The following COL5A1 variants were observed in gnomAD, a reference collection of about 807,000 sequenced individuals.
The protein encoded by COL5A1 is collagen type V alpha 1 chain.
In COL5A1, 16 loss-of-function variants were observed where a neutral mutation model predicts 263.7. The observed-to-expected ratio is 0.06, with a 90% CI of 0.04 to 0.09. The LOEUF (loss-of-function observed/expected upper bound fraction) is 0.09, where lower values mean the gene tolerates loss of function less well. COL5A1 is among the 10% of genes least tolerant of loss of function. COL5A1 has a pLI of 1.00. For synonymous variants in COL5A1, 1,012 were observed against 1,004.5 expected, an observed-to-expected ratio of 1.01 and a Z score of -0.14; for missense variants, 2,036 against 2,540.5, an observed-to-expected ratio of 0.80 and a Z score of 4.27.
In COL5A1 at chr9:134,835,042, C is replaced by T; in HGVS notation, c.5208C>T (p.Ala1736=). ...VQMTFLRLLS[A]SAHQNVTYHC... is the part of the protein sequence containing the mutation. ...TGACCTTCCTGCGGCTGCTGAGCGC[C>T]TCTGCCCACCAGAACGTCACCTACC... is the stretch of plus-strand genomic sequence containing the variant. The change falls in exon 65 of 66, where the codon GCC becomes GCT. Residue 1736 remains alanine, a synonymous_variant. Coordinates refer to ENST00000371817, the MANE Select transcript of COL5A1 (RefSeq NM_000093.5). 6.2e-7 allele frequency: 1 copy of T among 1,613,532 alleles called. No individual in the cohort carries two copies. The highest frequency in any genetic ancestry group is 8.5e-7 in the Non-Finnish European group (1 of 1,180,028).
rs1472399009 is a variant in COL5A1, at chr9:134,686,233, T to A, written c.110-4679T>A. On this transcript the variant is annotated intron_variant, in intron 1 of 65. Transcript: ENST00000371817. The surrounding 1 kb of genome is among the most constrained non-coding windows in gnomAD (Gnocchi z 4.6). ...TATTCTCCTTCTTCCTTCCTCCTTC[T>A]CCTTCTCCTTTTTCTTCTTCTTTCT... Among the ~76,000 whole-genome samples the A allele has an allele frequency of 6.6e-6, 1 of 152,066 alleles. No individual in the cohort carries two copies. The highest frequency in any genetic ancestry group is 2.4e-5 in the African/African-American group (1 of 41,388).
intron 1 of COL5A1, among the ~76,000 whole-genome samples, chr9:134,648,275 A>G (rs545985024): frequency 6.8e-6 from 1 of 147,212 alleles, no homozygotes; most frequent in South Asian, 2.1e-4. Flanking sequence ...GTAAGTCAGT[A>G]CTTAATAAAC....
intron 63 of COL5A1, among the ~76,000 whole-genome samples, chr9:134,828,666 C>A (rs111163080): frequency 0.018 from 7 of 382 alleles, no homozygotes; most frequent in Admixed American, 0.05. Flanking sequence ...ACACACACAC[C>A]CATAATGCGC....
intron 65 of COL5A1, among the ~76,000 whole-genome samples, chr9:134,840,683 A>G (rs530405666): frequency 6.6e-6 from 1 of 152,242 alleles, no homozygotes; most frequent in African/African-American, 2.4e-5. Flanking sequence ...TGTCGCCCAC[A>G]GTTCTGGAGG....
chr9:134,764,910 G>A (rs1030724875), intron 20 of COL5A1, among the ~76,000 whole-genome samples: 4 of 152,162 alleles, frequency 2.6e-5, no homozygotes, highest in Non-Finnish European at 4.4e-5. Flanking sequence ...GTGGGGGAAG[G>A]AGTTCTCTTC....
At chr9:134,670,849 T>C (rs913456743) in intron 1 of COL5A1, among the ~76,000 whole-genome samples, 1 of 152,184 alleles carries the variant, frequency 6.6e-6, no homozygotes, top group African/African-American at 2.4e-5. Flanking sequence ...AGTGGACAGC[T>C]CTGTCTGTGT....
intron 11 of COL5A1, among the ~76,000 whole-genome samples, chr9:134,744,416 TAC>T (rs890172417): frequency 2.0e-5 from 3 of 150,526 alleles, no homozygotes; most frequent in Non-Finnish European, 4.4e-5. Context: ...TGCACACATG[TAC>T]ACACCCACAC....
intron 64 of COL5A1, among the ~76,000 whole-genome samples, chr9:134,831,400 CCTTTCCTCTCCTG>C (rs1344068936): frequency 6.6e-6 from 1 of 152,236 alleles, no homozygotes; most frequent in African/African-American, 2.4e-5. Context: ...GTCCTCTCCT[CCTTTCCTCTCCTG>C]CTTTTCCTTT....
At position 134,683,809 on chromosome 9, in the gene COL5A1, G is replaced by A. The variant is rs114580774; in HGVS notation, c.110-7103G>A. The stretch of plus-strand genomic sequence containing the variant: ...ATTGCACCCCCTTTCCTGGGGCGCC[G>A]GCACCCGGTGGGCTTTTCTGGCTGA... On this transcript the variant is annotated intron_variant, in intron 1 of 65. Coordinates refer to ENST00000371817, the MANE Select transcript of COL5A1 (RefSeq NM_000093.5). Among the ~76,000 whole-genome samples the A allele has an allele frequency of 9.9e-3, 1,504 of 152,300 alleles. 27 individuals carry two copies. Among genetic ancestry groups the A allele is most frequent in the African/African-American group, 0.033 (1,391 of 41,570 alleles).
intron 2 of COL5A1, among the ~76,000 whole-genome samples, chr9:134,698,611 C>T (rs2132566747): frequency 6.6e-6 from 1 of 152,370 alleles, no homozygotes; most frequent in South Asian, 2.1e-4. Context: ...CGTCCCCTTC[C>T]TCCCAGTGTT....
At chr9:134,750,748 C>T in intron 12 of COL5A1, 42 bp from the exon 13 acceptor site, 1 of 1,605,170 alleles carries the variant, frequency 6.2e-7, no homozygotes, top group Non-Finnish European at 8.5e-7. Flanking sequence ...GCCTGGGTGC[C>T]ACGTCACTGC....
At chr9:134,819,146 C>T (rs1310151896) in intron 57 of COL5A1, 93 bp downstream of exon 57, 1 of 1,340,550 alleles carries the variant, frequency 7.5e-7, no homozygotes, top group Non-Finnish European at 1.1e-6. Context: ...TGATCCGTCA[C>T]CTAAATGTGT....
At position 134,765,155 on chromosome 9, in the gene COL5A1, C is replaced by T. The variant is rs1487365945; in HGVS notation, c.2035-526C>T. ...TCCTGGAAAAGATCTGTACCCCACG[C>T]CTCCTTCTGCACATTCAGTCTTGGG... On this transcript the variant is annotated intron_variant, in intron 20 of 65. Coordinates refer to ENST00000371817, the MANE Select transcript of COL5A1 (RefSeq NM_000093.5). This position sits in a 1 kb window ranked among gnomAD's most constrained non-coding sequence, Gnocchi z 5.1. Among the ~76,000 whole-genome samples, 1 of 152,166 alleles carries T rather than the reference C, an allele frequency of 6.6e-6. No individual in the cohort carries two copies. Among genetic ancestry groups the T allele is most frequent in the Non-Finnish European group, 1.5e-5 (1 of 68,026 alleles).
At chr9:134,769,387 A>G (rs1836794027) in intron 25 of COL5A1, among the ~76,000 whole-genome samples, 1 of 152,208 alleles carries the variant, frequency 6.6e-6, no homozygotes, top group South Asian at 2.1e-4. Flanking sequence ...ACCTGGCCAC[A>G]TGGGAGTTTG....
intron 63 of COL5A1, among the ~76,000 whole-genome samples, chr9:134,829,639 G>A (rs931589244): frequency 4.1e-5 from 6 of 147,298 alleles, no homozygotes; most frequent in South Asian, 2.2e-4. Context: ...CAGTCTCCCC[G>A]AGGGCCCCGG....
At chr9:134,645,816 C>T (rs970785474) in intron 1 of COL5A1, among the ~76,000 whole-genome samples, 7 of 152,210 alleles carry the variant, frequency 4.6e-5, no homozygotes, top group East Asian at 3.9e-4. Flanking sequence ...CAGCTCTCCC[C>T]GGGGAGAAGG....
chr9:134,803,527 T>G (rs537146515), intron 39 of COL5A1, among the ~76,000 whole-genome samples: 74 of 151,530 alleles, frequency 4.9e-4, no homozygotes, highest in African/African-American at 1.7e-3. Context: ...CCCACCTACT[T>G]GGGAGGCTGA....
At position 134,758,137 on chromosome 9, in the gene COL5A1, G is replaced by A. The variant is rs1836053842; in HGVS notation, c.1882-106G>A. 1.8e-6 allele frequency: 2 copies of A among 1,140,988 alleles called. No homozygotes were observed. Among genetic ancestry groups the A allele is most frequent in the African/African-American group, 1.5e-5 (1 of 65,766 alleles). The allele number at this position is 1,140,988 out of a possible 1,614,324, so 70.7% of individuals were successfully genotyped here. ...GGGGTTCAGGGTGCATAGATGCTGT[G>A]TGAAACGTGGTCCAAGGCGGGGCGG... On this transcript the variant is annotated intron_variant, in intron 17 of 65. Transcript: ENST00000371817. The surrounding 1 kb of genome is among the most constrained non-coding windows in gnomAD (Gnocchi z 4.1).
At chr9:134,830,960 G>A (rs1839593259) in intron 64 of COL5A1, among the ~76,000 whole-genome samples, 3 of 152,220 alleles carry the variant, frequency 2.0e-5, no homozygotes, top group Non-Finnish European at 4.4e-5. Context: ...AAGGACCAAG[G>A]TTCCAGAACA....
Sources: gnomAD v4.1 joint callset for allele counts (sites outside exome capture counted in the v4.1 genomes callset) on GRCh38, gnomAD v4.1.1 for gene constraint, Gnocchi (gnomAD v3.1) non-coding constraint, MANE v1.5 for transcripts, NCBI Gene and HGNC (gene_info 2026-07-23, HGNC 2026-07-21) for gene names.